The following ADGRL3 variants were observed in gnomAD, a reference collection of about 807,000 sequenced individuals.
ADGRL3 encodes calcium-independent alpha-latrotoxin receptor 3.
ADGRL3 carries 62 observed loss-of-function variants against 153.5 expected under a neutral mutation model. The ratio of observed to expected loss-of-function variants is 0.40; its 90% CI spans 0.33 to 0.50. The LOEUF (loss-of-function observed/expected upper bound fraction) is 0.50. Ranked by LOEUF, ADGRL3 falls within the 20% of genes least tolerant of loss-of-function variation. The probability of loss-of-function intolerance (pLI) is 0.47; values close to 1 mark genes in which losing one functional copy is unlikely to be tolerated. For missense variants in ADGRL3, 1,641 were observed against 1,859.4 expected (o/e 0.88, Z 2.16); for synonymous variants, 710 against 672.5 (o/e 1.06, Z -0.86).
intron 9 of ADGRL3, among the ~76,000 whole-genome samples, chr4:61,873,297 C>A (rs1194440679): frequency 6.6e-6 from 1 of 152,126 alleles, no homozygotes; most frequent in African/African-American, 2.4e-5. Context: ...GCAGTATAAT[C>A]TCTGAAATCA....
intron 25 of ADGRL3, among the ~76,000 whole-genome samples, chr4:62,067,163 A>G (rs1743382868): frequency 1.3e-5 from 2 of 152,132 alleles, no homozygotes; most frequent in African/African-American, 4.8e-5. Context: ...GCTGAGAAGC[A>G]AATCAACCTT....
chr4:61,999,434 T>C (rs1277618123), intron 21 of ADGRL3, among the ~76,000 whole-genome samples: 1 of 152,250 alleles, frequency 6.6e-6, no homozygotes, highest in East Asian at 1.9e-4. Context: ...TTGGAATGTA[T>C]AATATTTTAG....
At chr4:61,840,568 T>A (rs1393146413) in intron 9 of ADGRL3, among the ~76,000 whole-genome samples, 1 of 152,210 alleles carries the variant, frequency 6.6e-6, no homozygotes, top group Non-Finnish European at 1.5e-5. Context: ...ACTTCTCTAC[T>A]GTTGCTTTCC....
intron 1 of ADGRL3, among the ~76,000 whole-genome samples, chr4:61,310,120 C>T (rs2094941725): frequency 6.6e-6 from 1 of 151,396 alleles, no homozygotes; most frequent in Admixed American, 6.6e-5. Context: ...ATCTAGAAGA[C>T]ATTCCAGATA....
At chr4:61,930,318 C>T (rs957120971) in intron 13 of ADGRL3, among the ~76,000 whole-genome samples, 9 of 151,980 alleles carry the variant, frequency 5.9e-5, no homozygotes, top group African/African-American at 1.9e-4. Context: ...TGCTTACTTT[C>T]GTAGTTTGAT....
At chr4:61,929,746 CAAAG>C (rs1474963617) in intron 13 of ADGRL3, among the ~76,000 whole-genome samples, 8 of 152,228 alleles carry the variant, frequency 5.3e-5, no homozygotes. Flanking sequence ...ACGTATGACA[CAAAG>C]AAAACAAAAC....
chr4:61,483,475 C>T (rs1042701856), intron 2 of ADGRL3, among the ~76,000 whole-genome samples: 6 of 152,262 alleles, frequency 3.9e-5, no homozygotes, highest in East Asian at 1.9e-4. Context: ...CAGTGGCTCA[C>T]GCCTGTAAAT....
chr4:61,310,710 T>G (rs918558861), intron 1 of ADGRL3, among the ~76,000 whole-genome samples: 2 of 151,340 alleles, frequency 1.3e-5, no homozygotes, highest in African/African-American at 4.8e-5. Flanking sequence ...TAAGAAACTC[T>G]TTTTCATACC....
chr4:61,990,088 A>G (rs566625014), intron 19 of ADGRL3, among the ~76,000 whole-genome samples: 3 of 152,200 alleles, frequency 2.0e-5, no homozygotes, highest in Non-Finnish European at 2.9e-5. Context: ...TAAAACTTGT[A>G]TGCAAGAGTT....
At chr4:61,524,538 G>A (rs918774104) in intron 4 of ADGRL3, among the ~76,000 whole-genome samples, 1 of 151,912 alleles carries the variant, frequency 6.6e-6, no homozygotes, top group Non-Finnish European at 1.5e-5. Context: ...TACTAGTATG[G>A]AATTGCAGTA....
chr4:61,947,347 A>G (rs905806948), intron 16 of ADGRL3, among the ~76,000 whole-genome samples: 13 of 152,196 alleles, frequency 8.5e-5, no homozygotes, highest in South Asian at 2.1e-4. Flanking sequence ...AGATGGATTT[A>G]TAATTGCTTC....
chr4:61,911,067 A>G (rs1174384884), intron 12 of ADGRL3, among the ~76,000 whole-genome samples: 2 of 152,168 alleles, frequency 1.3e-5, no homozygotes, highest in East Asian at 3.9e-4. Flanking sequence ...ACAGCTACCT[A>G]TATAATCTGG....
chr4:61,509,339 G>C (rs935017119), intron 3 of ADGRL3, among the ~76,000 whole-genome samples: 1 of 151,958 alleles, frequency 6.6e-6, no homozygotes, highest in Admixed American at 6.6e-5. Context: ...TGTTGGCCAG[G>C]CTGGTCTTGA....
intron 2 of ADGRL3, among the ~76,000 whole-genome samples, chr4:61,479,517 T>C (rs2098109000): frequency 6.6e-6 from 1 of 152,088 alleles, no homozygotes; most frequent in Non-Finnish European, 1.5e-5. Flanking sequence ...AGGGGATCTA[T>C]TGTATGAAAG....
At chr4:61,545,910 A>G (rs6812674) in intron 4 of ADGRL3, among the ~76,000 whole-genome samples, 2,048 of 152,242 alleles carry the variant, frequency 0.013, 57 homozygotes, top group African/African-American at 0.046. Context: ...CAAACAAAAA[A>G]CAAAAAAACT....
chr4:61,732,202 T>C (rs1280768409), intron 7 of ADGRL3, among the ~76,000 whole-genome samples: 1 of 152,122 alleles, frequency 6.6e-6, no homozygotes, highest in Non-Finnish European at 1.5e-5. Flanking sequence ...GCATGCTCTG[T>C]GTGTGTTGTA....
chr4:61,401,432 T>C (rs2096929093), intron 2 of ADGRL3, among the ~76,000 whole-genome samples: 1 of 151,976 alleles, frequency 6.6e-6, no homozygotes, highest in Admixed American at 6.6e-5. Flanking sequence ...AAAAATGAAA[T>C]ATTTAGTATG....
chr4:61,561,405 A>T (rs2098794502), intron 4 of ADGRL3, among the ~76,000 whole-genome samples: 1 of 152,308 alleles, frequency 6.6e-6, no homozygotes, highest in Middle Eastern at 3.4e-3. Context: ...ATTTAACTCC[A>T]GGTACACTAG....
intron 11 of ADGRL3, among the ~76,000 whole-genome samples, chr4:61,908,621 A>G (rs2098707674): frequency 6.6e-6 from 1 of 152,002 alleles, no homozygotes; most frequent in South Asian, 2.1e-4. Flanking sequence ...AAAAAAAAAA[A>G]AAAGTCTCTG....
Sources: gnomAD v4.1 joint callset for allele counts (sites outside exome capture counted in the v4.1 genomes callset) on GRCh38, gnomAD v4.1.1 for gene constraint, MANE v1.5 for transcripts, NCBI Gene and HGNC (gene_info 2026-07-23, HGNC 2026-07-21) for gene names.